Variants in TBC1D16 observed in about 807,000 individuals in gnomAD.
The protein encoded by TBC1D16 is CTD-2529O21.1.
A neutral mutation model predicts 74.7 loss-of-function variants in TBC1D16; 58 were observed. The ratio of observed to expected loss-of-function variants is 0.78; its 90% confidence interval spans 0.63 to 0.97. TBC1D16 has a LOEUF of 0.97. Among genes scored for constraint, TBC1D16 ranks in the 50% least tolerant of loss-of-function variants. The pLI is 0.00. For missense variants in TBC1D16, 1,014 were observed against 1,079.5 expected (o/e 0.94, Z 0.85); for synonymous variants, 493 against 474.7 (o/e 1.04, Z -0.50).
Position 80,001,350 on chromosome 17 carries a change from C to A in TBC1D16, c.779+8810G>T, listed in dbSNP as rs983741283. Reference sequence around the variant, plus strand: ...AGACGAGATTAGTCTGAACGACACACAGAACAGATTGCAGGGTGTCGGGCA... The same window carrying A: ...AGACGAGATTAGTCTGAACGACACAAAGAACAGATTGCAGGGTGTCGGGCA... On this transcript the variant is annotated intron_variant, in intron 3 of 11. Transcript: ENST00000310924. The surrounding 1 kb of genome is among the most constrained non-coding windows in gnomAD (Gnocchi z 5.8). Among the ~76,000 whole-genome samples, 12 of 152,228 alleles carry A rather than the reference C, an allele frequency of 7.9e-5. No homozygotes were observed. Among genetic ancestry groups the A allele is most frequent in the African/African-American group, 2.9e-4 (12 of 41,454 alleles).
At chr17:79,945,443 C>G (rs1012339367) in intron 9 of TBC1D16, among the ~76,000 whole-genome samples, 1 of 152,208 alleles carries the variant, frequency 6.6e-6, no homozygotes, top group African/African-American at 2.4e-5. Context: ...GTCCACTCCT[C>G]CTGGTGAGGT....
rs1249703406 is a variant in TBC1D16 at position 79,952,767 on chromosome 17, G to T, written c.831C>A (p.Leu277=). The T allele has an allele frequency of 6.2e-7, 1 of 1,612,124 alleles. No individual in the cohort carries two copies. The highest frequency in any genetic ancestry group is 8.5e-7 in the Non-Finnish European group (1 of 1,179,400). The stretch of plus-strand genomic sequence containing the variant: ...GCTCGTCCCAGCGTGGGGTCTGCAG[G>T]AGGCCGTTGCTGTCCGGGAACCGCA... The part of the protein sequence containing the change: ...AGLRFPDSNG[L]LQTPRWDEPQ... Residue 277 remains leucine (L), a synonymous_variant, in exon 4 of 12, where the codon CTC becomes CTA. Coordinates refer to ENST00000310924, the MANE Select transcript of TBC1D16 (RefSeq NM_019020.4).
rs574062657 is a variant in TBC1D16, at chr17:79,975,914, G to A, written c.780-23096C>T. Among the ~76,000 whole-genome samples the A allele has an allele frequency of 2.7e-4, 41 of 152,286 alleles. No homozygotes were observed. In the East Asian group the frequency reaches 3.1e-3, roughly 11 times the overall value. The stretch of plus-strand genomic sequence containing the variant: ...TCCGGCAGGCGGCTCTCCAGGCCAC[G>A]AGATGGGCACAGACCTTCCTGCACC... On this transcript the variant is annotated intron_variant, in intron 3 of 11. Transcript: ENST00000310924. This position sits in a 1 kb window ranked among gnomAD's most constrained non-coding sequence, Gnocchi z 4.5.
intron 3 of TBC1D16, among the ~76,000 whole-genome samples, chr17:80,002,064 G>GA (rs1174113410): frequency 6.6e-6 from 1 of 152,168 alleles, no homozygotes; most frequent in Non-Finnish European, 1.5e-5. Context: ...GGAACGGCAG[G>GA]AAACGCAGAA....
In TBC1D16 at chr17:79,975,842, G is replaced by A. The variant is rs1305615487; in HGVS notation, c.780-23024C>T. On this transcript the variant is annotated intron_variant, in intron 3 of 11. Transcript: ENST00000310924. The surrounding 1 kb of genome is among the most constrained non-coding windows in gnomAD (Gnocchi z 4.5). The stretch of plus-strand genomic sequence containing the variant: ...GCCCCACTTTGGAATGACGGGGTCT[G>A]TGCAGAGACCGGGCAGAGCTCTGGG... Among the ~76,000 whole-genome samples the A allele has an allele frequency of 2.0e-5, 3 of 152,224 alleles. No individual in the cohort carries two copies. Among genetic ancestry groups the A allele is most frequent in the African/African-American group, 7.2e-5 (3 of 41,460 alleles).
In TBC1D16 at chr17:79,940,103, G is replaced by C. The variant is rs1407235773; in HGVS notation, c.*756C>G. ...CCTCACGTAGAAGACCCCCAGCAAA[G>C]AAAAAGGCATCAGATGCTTCTCCAA... On this transcript the variant is annotated 3_prime_UTR_variant, in exon 12 of 12. Transcript: ENST00000310924. This position sits in a 1 kb window ranked among gnomAD's most constrained non-coding sequence, Gnocchi z 5.4. The C allele has an allele frequency of 1.3e-5, 2 of 152,162 alleles. No homozygotes were observed. The highest frequency in any genetic ancestry group is 2.4e-5 in the African/African-American group (1 of 41,428). 9.4% of individuals were successfully genotyped at this position (152,162 alleles called of 1,614,324 possible). A position where few individuals can be genotyped will look rare whatever the true frequency, so the allele number is the denominator to read the frequency against.
chr17:79,988,807 C>A lies in TBC1D16; in HGVS notation c.779+21353G>T, dbSNP rs147076914. Among the ~76,000 whole-genome samples the A allele has an allele frequency of 6.6e-6, 1 of 152,336 alleles. No homozygotes were observed. The highest frequency in any genetic ancestry group is 1.9e-4 in the East Asian group (1 of 5,180). ...AAAATCAAAGTCCAATCCCGCTAAGCATGGTGCTGTGTAGCCCGGCCAGCC... is the reference window on the plus strand; with the variant it reads ...AAAATCAAAGTCCAATCCCGCTAAGAATGGTGCTGTGTAGCCCGGCCAGCC... On this transcript the variant is annotated intron_variant, in intron 3 of 11. Coordinates refer to ENST00000310924, the MANE Select transcript of TBC1D16 (RefSeq NM_019020.4). The surrounding 1 kb of genome is among the most constrained non-coding windows in gnomAD (Gnocchi z 5.7).
At chr17:80,004,791 G>A (rs1420305999) in intron 3 of TBC1D16, among the ~76,000 whole-genome samples, 1 of 151,940 alleles carries the variant, frequency 6.6e-6, no homozygotes, top group African/African-American at 2.4e-5. Context: ...TCTCGTGCCT[G>A]AGCTTCCCAA....
chr17:79,996,406 G>A (rs2035273933), intron 3 of TBC1D16, among the ~76,000 whole-genome samples: 1 of 152,140 alleles, frequency 6.6e-6, no homozygotes. Flanking sequence ...AGCCATTAGG[G>A]AAATGCTGAT....
chr17:79,998,451 C>T (rs541860010), intron 3 of TBC1D16, among the ~76,000 whole-genome samples: 31 of 151,860 alleles, frequency 2.0e-4, no homozygotes, highest in African/African-American at 7.5e-4. Context: ...CCTCAGCCCC[C>T]CAAGTAGCTG....
At chr17:79,968,842 C>CAAAAAAAAAAAAAA (rs34365366) in intron 3 of TBC1D16, among the ~76,000 whole-genome samples, 1 of 55,390 alleles carries the variant, frequency 1.8e-5, no homozygotes, top group Non-Finnish European at 3.0e-5. Flanking sequence ...GATGCCGTCT[C>CAAAAAAAAAAAAAA]AAAAAAAAAA....
chr17:79,940,634 C>A lies in TBC1D16; in HGVS notation c.*225G>T. 1 of 464,432 alleles carries A rather than the reference C, an allele frequency of 2.2e-6. No homozygotes were observed. Among genetic ancestry groups the A allele is most frequent in the Non-Finnish European group, 3.6e-6 (1 of 280,960 alleles). 28.8% of individuals were successfully genotyped at this position (464,432 alleles called of 1,614,324 possible). A position where few individuals can be genotyped will look rare whatever the true frequency, so the allele number is the denominator to read the frequency against. ...GCGGTGGCTGCGCGTTCCACTGCAG[C>A]GTTTCAGGAGCTGACTTTCCTCTGG... On this transcript the variant is annotated 3_prime_UTR_variant, in exon 12 of 12. Transcript: ENST00000310924. The surrounding 1 kb of genome is among the most constrained non-coding windows in gnomAD (Gnocchi z 5.4).
At chr17:79,996,472 A>T (rs1241447384) in intron 3 of TBC1D16, among the ~76,000 whole-genome samples, 1 of 152,250 alleles carries the variant, frequency 6.6e-6, no homozygotes, top group East Asian at 1.9e-4. Flanking sequence ...AAAAAATAAT[A>T]GTGACAACCT....
rs556853422 is a variant in TBC1D16 at position 80,023,388 on chromosome 17, T to C, written c.-62-9779A>G. ...GTACCCGGGCAGCCACAGCCCTCCA[T>C]GCCCTCCTTCCGCCCCGCAGTCCCA... On this transcript the variant is annotated intron_variant, in intron 1 of 11. Transcript: ENST00000310924. Among the ~76,000 whole-genome samples, 28 of 149,902 alleles carry C rather than the reference T, an allele frequency of 1.9e-4. 2 individuals carry two copies. The highest frequency in any genetic ancestry group is 6.1e-4 in the African/African-American group (24 of 39,378).
chr17:80,011,375 G>A (rs932630482), intron 2 of TBC1D16, among the ~76,000 whole-genome samples: 7 of 152,016 alleles, frequency 4.6e-5, no homozygotes, highest in African/African-American at 1.2e-4. Context: ...AGTACACCAG[G>A]GGCTCTCCCT....
chr17:79,974,881 AGAGG>A (rs1408401423), intron 3 of TBC1D16, among the ~76,000 whole-genome samples: 2 of 152,210 alleles, frequency 1.3e-5, no homozygotes, highest in Non-Finnish European at 2.9e-5. Context: ...AAACGTTGAA[AGAGG>A]GAGAAGCCTG....
At chr17:80,031,044 G>A (rs999324519) in intron 1 of TBC1D16, among the ~76,000 whole-genome samples, 2 of 152,124 alleles carry the variant, frequency 1.3e-5, no homozygotes, top group African/African-American at 4.8e-5. Context: ...CCTTGGATGA[G>A]GCCCCAGCTT....
At chr17:80,019,289 C>A (rs2036202593) in intron 1 of TBC1D16, among the ~76,000 whole-genome samples, 1 of 149,982 alleles carries the variant, frequency 6.7e-6, no homozygotes, top group Non-Finnish European at 1.5e-5. Context: ...CTGCGAGGTG[C>A]GTCCCAACAG....
rs1288189156 is a variant in TBC1D16, at chr17:79,994,889, C to T, written c.779+15271G>A. ...AACAGAGAGAATGTAAAACACTTCCCATCGGCGGCCGTGTATACTGATCCC... is the reference window on the plus strand; with the variant it reads ...AACAGAGAGAATGTAAAACACTTCCTATCGGCGGCCGTGTATACTGATCCC... On this transcript the variant is annotated intron_variant, in intron 3 of 11. Transcript: ENST00000310924. The surrounding 1 kb of genome is among the most constrained non-coding windows in gnomAD (Gnocchi z 4.6). Among the ~76,000 whole-genome samples, 1 of 152,234 alleles carries T rather than the reference C, an allele frequency of 6.6e-6. No individual in the cohort carries two copies. Among genetic ancestry groups the T allele is most frequent in the Non-Finnish European group, 1.5e-5 (1 of 68,040 alleles).
Sources: gnomAD v4.1 joint callset for allele counts (sites outside exome capture counted in the v4.1 genomes callset) on GRCh38, gnomAD v4.1.1 for gene constraint, Gnocchi (gnomAD v3.1) non-coding constraint, MANE v1.5 for transcripts, NCBI Gene and HGNC (gene_info 2026-07-23, HGNC 2026-07-21) for gene names.